The following KIZ variants were observed in gnomAD, a reference collection of about 807,000 sequenced individuals.
KIZ encodes the protein centrosomal protein kizuna.
KIZ carries 68 observed loss-of-function variants against 79.6 expected under a neutral mutation model. That is an observed-to-expected ratio of 0.85 (90% CI 0.70 to 1.05). The LOEUF (loss-of-function observed/expected upper bound fraction) is 1.05, where lower values mean the gene tolerates loss of function less well. Among genes scored for constraint, KIZ ranks in the 50% least tolerant of loss-of-function variants. KIZ has a pLI of 0.00. For synonymous variants in KIZ, 280 were observed against 281.8 expected, an observed-to-expected ratio of 0.99 and a Z score of 0.06; for missense variants, 797 against 800.4, an observed-to-expected ratio of 1.00 and a Z score of 0.05.
chr20:21,126,124 G>T lies in KIZ; in HGVS notation c.9G>T (p.Arg3=). 1 of 1,515,462 alleles carries T rather than the reference G, an allele frequency of 6.6e-7. No individual in the cohort carries two copies. The highest frequency in any genetic ancestry group is 8.8e-7 in the Non-Finnish European group (1 of 1,132,096). The allele number at this position is 1,515,462 out of a possible 1,614,324, so 93.9% of individuals were successfully genotyped here. MS[R]TLASAVPLSS... ...GGCGCAGCGGCAGCAGCATGAGCCG[G>T]ACCCTCGCATCGGCCGTGCCCCTGT... Residue 3 remains arginine, a synonymous_variant, in exon 1 of 13, where the codon CGG becomes CGT. Transcript: ENST00000619189.
intron 4 of KIZ, among the ~76,000 whole-genome samples, chr20:21,161,424 C>G (rs541054272): frequency 6.6e-6 from 1 of 152,110 alleles, no homozygotes; most frequent in Non-Finnish European, 1.5e-5. Flanking sequence ...CTCTGCTGCC[C>G]GGGTTCAAGT....
intron 6 of KIZ, among the ~76,000 whole-genome samples, chr20:21,177,682 A>G (rs974917522): frequency 6.6e-6 from 1 of 151,928 alleles, no homozygotes; most frequent in African/African-American, 2.4e-5. Flanking sequence ...CTTTTCCCCT[A>G]TGTTTTCTTC....
intron 6 of KIZ, among the ~76,000 whole-genome samples, chr20:21,181,211 G>A (rs1202006410): frequency 1.3e-5 from 2 of 152,280 alleles, no homozygotes; most frequent in South Asian, 4.1e-4. Flanking sequence ...GTAGGCCCAG[G>A]GGATGCAGTC....
chr20:21,141,823 A>ACTCTCTCTCTCTCTCT (rs1229173337), intron 3 of KIZ, among the ~76,000 whole-genome samples: 2 of 103,944 alleles, frequency 1.9e-5, no homozygotes, highest in South Asian at 3.2e-4. Context: ...ACACACACAC[A>ACTCTCTCTCTCTCTCT]CTCTCTCTCT....
intron 11 of KIZ, among the ~76,000 whole-genome samples, chr20:21,233,898 G>C (rs2036912988): frequency 6.6e-6 from 1 of 152,120 alleles, no homozygotes; most frequent in Admixed American, 6.5e-5. Flanking sequence ...TATTTTTAAT[G>C]CCTGAGTTTT....
chr20:21,235,547 C>T (rs1439068018), intron 11 of KIZ, among the ~76,000 whole-genome samples: 2 of 152,180 alleles, frequency 1.3e-5, no homozygotes, highest in African/African-American at 4.8e-5. Context: ...AGCTTCCTCT[C>T]CTCTGCAAAC....
At chr20:21,126,040 G>C (rs2031426956), upstream of KIZ, 2 of 1,407,898 alleles carry the variant, frequency 1.4e-6, no homozygotes, top group South Asian at 3.0e-5. Context: ...GCGGTGCATG[G>C]TGGGGCGGTC....
intron 6 of KIZ, among the ~76,000 whole-genome samples, chr20:21,171,958 A>G (rs1278461500): frequency 6.6e-6 from 1 of 152,214 alleles, no homozygotes. Flanking sequence ...GGTGCTGGAC[A>G]TATAGGTGAA....
At chr20:21,231,687 A>G (rs1031937332) in intron 10 of KIZ, among the ~76,000 whole-genome samples, 1 of 152,146 alleles carries the variant, frequency 6.6e-6, no homozygotes, top group Non-Finnish European at 1.5e-5. Context: ...CTGAGCCCCA[A>G]AGAAAAGCAG....
chr20:21,147,464 CA>C (rs1238194305), intron 4 of KIZ, among the ~76,000 whole-genome samples: 1 of 152,120 alleles, frequency 6.6e-6, no homozygotes, highest in African/African-American at 2.4e-5. Context: ...ATTCCTGAAC[CA>C]TTCCTTATCA....
At chr20:21,228,542 C>T (rs1328098970) in intron 9 of KIZ, among the ~76,000 whole-genome samples, 1 of 152,158 alleles carries the variant, frequency 6.6e-6, no homozygotes, top group Non-Finnish European at 1.5e-5. Context: ...CTGAGCTCAT[C>T]CAGCTGTCAC....
intron 10 of KIZ, 29 bp from the exon 11 acceptor site, chr20:21,232,705 C>T (rs1168535042): frequency 8.4e-7 from 1 of 1,185,276 alleles, no homozygotes. Context: ...ACAGCTAACC[C>T]TCACTCTCCA....
At chr20:21,205,443 C>T in intron 6 of KIZ, 48 bp from the exon 7 acceptor site, 1 of 774,512 alleles carries the variant, frequency 1.3e-6, no homozygotes. Flanking sequence ...ATGTGGGAAT[C>T]TTATAATATT....
chr20:21,127,125 A>G (rs1363173258), intron 1 of KIZ, among the ~76,000 whole-genome samples: 1 of 152,256 alleles, frequency 6.6e-6, no homozygotes. Flanking sequence ...AAAAGGAATT[A>G]CATTTATCTT....
intron 10 of KIZ, among the ~76,000 whole-genome samples, chr20:21,231,779 T>G (rs746662513): frequency 6.6e-6 from 1 of 152,176 alleles, no homozygotes; most frequent in Non-Finnish European, 1.5e-5. Flanking sequence ...TACTCTGCAC[T>G]CAAGAAGCCC....
intron 6 of KIZ, among the ~76,000 whole-genome samples, chr20:21,182,317 T>G (rs570110106): frequency 3.4e-4 from 52 of 152,272 alleles, no homozygotes; most frequent in African/African-American, 1.2e-3. Context: ...CACCACAGCC[T>G]TATATAGCTT....
intron 4 of KIZ, 61 bp from the exon 5 acceptor site, chr20:21,161,810 A>AG: frequency 8.2e-7 from 1 of 1,216,208 alleles, no homozygotes; most frequent in Admixed American, 2.6e-5. Flanking sequence ...GAAAAAAAAA[A>AG]AAACCCCACC....
intron 6 of KIZ, among the ~76,000 whole-genome samples, chr20:21,170,717 T>C (rs1257253422): frequency 6.6e-6 from 1 of 152,164 alleles, no homozygotes; most frequent in Non-Finnish European, 1.5e-5. Flanking sequence ...TCGTTCTTTC[T>C]AACTTATCTT....
In KIZ at chr20:21,200,858, A is replaced by G. The variant is rs188654452; in HGVS notation, c.1353-4633A>G. On this transcript the variant is annotated intron_variant, in intron 6 of 12. Coordinates refer to ENST00000619189, the MANE Select transcript of KIZ (RefSeq NM_018474.6). ...AAAAAAAGAACAAACCACGCTTGTC[A>G]TCATTATTGATTTATGTTATATCAA... Among the ~76,000 whole-genome samples the G allele has an allele frequency of 5.3e-5, 8 of 152,322 alleles. No individual in the cohort carries two copies. The East Asian group carries it at 1.4e-3, about 26-fold the overall frequency.
Sources: allele counts gnomAD v4.1 joint callset (sites outside exome capture counted in the v4.1 genomes callset), GRCh38; gene constraint gnomAD v4.1.1; transcripts MANE v1.5; gene names NCBI Gene and HGNC (gene_info 2026-07-23, HGNC 2026-07-21).